ABLIM3: variants seen among roughly 807,000 people sequenced by gnomAD.
ABLIM3 encodes actin-binding LIM protein 3.
ABLIM3 carries 61 observed loss-of-function variants against 109.5 expected under a neutral mutation model. The ratio of observed to expected loss-of-function variants is 0.56; its 90% confidence interval spans 0.45 to 0.69. The LOEUF (loss-of-function observed/expected upper bound fraction) is 0.69. ABLIM3 is among the 30% of genes least tolerant of loss of function. ABLIM3 has a pLI of 0.00. For missense variants in ABLIM3, 796 were observed against 889.5 expected (o/e 0.89, Z 1.34); for synonymous variants, 300 against 324.8 (o/e 0.92, Z 0.82).
At chr5:149,196,571 C>G (rs1757997100) in intron 3 of ABLIM3, among the ~76,000 whole-genome samples, 1 of 152,234 alleles carries the variant, frequency 6.6e-6, no homozygotes, top group Non-Finnish European at 1.5e-5. Context: ...CAGAGGCAAT[C>G]TAGGTGGAAA....
intron 14 of ABLIM3, among the ~76,000 whole-genome samples, chr5:149,241,965 C>T (rs1372138638): frequency 1.3e-5 from 2 of 152,192 alleles, no homozygotes; most frequent in African/African-American, 4.8e-5. Context: ...AGTCTCCTGA[C>T]ACCAAGCTCA....
intron 5 of ABLIM3, among the ~76,000 whole-genome samples, chr5:149,206,690 C>T (rs532225616): frequency 1.6e-4 from 25 of 152,230 alleles, no homozygotes; most frequent in Admixed American, 1.5e-3. Context: ...GGCAAGGTCA[C>T]GGACAGCAGC....
In ABLIM3 at chr5:149,258,717, G is replaced by A. The variant is rs917769780; in HGVS notation, c.*313G>A. 2 of 1,032,766 alleles carry A rather than the reference G, an allele frequency of 1.9e-6. No homozygotes were observed. The highest frequency in any genetic ancestry group is 5.4e-5 in the Admixed American group (1 of 18,396). 64.0% of individuals were successfully genotyped at this position (1,032,766 alleles called of 1,614,324 possible). A position where few individuals can be genotyped will look rare whatever the true frequency, so the allele number is the denominator to read the frequency against. On this transcript the variant is annotated 3_prime_UTR_variant, in exon 24 of 24. Coordinates refer to ENST00000309868, the MANE Select transcript of ABLIM3 (RefSeq NM_014945.5). ...ACTCTCTTTCCTAAAGAAGGTGCCT[G>A]AAGAAGTCTCTCTTCTCTCTGCTTC...
At chr5:149,178,681 A>G (rs1756193715) in intron 2 of ABLIM3, among the ~76,000 whole-genome samples, 1 of 152,240 alleles carries the variant, frequency 6.6e-6, no homozygotes, top group South Asian at 2.1e-4. Context: ...ACATTTTTAT[A>G]GGAGAGGAAT....
At chr5:149,224,049 T>C (rs1158505746) in intron 8 of ABLIM3, among the ~76,000 whole-genome samples, 2 of 152,210 alleles carry the variant, frequency 1.3e-5, no homozygotes, top group African/African-American at 2.4e-5. Context: ...ATCAGCATTT[T>C]TAAGAATACT....
At chr5:149,240,004 C>T (rs1013603516) in intron 13 of ABLIM3, 116 bp downstream of exon 13, 25 of 1,399,184 alleles carry the variant, frequency 1.8e-5, no homozygotes, top group Non-Finnish European at 2.2e-5. Context: ...ACAGTGTGGC[C>T]CTCTGGAGGC....
At chr5:149,164,775 T>G (rs538578232) in intron 2 of ABLIM3, among the ~76,000 whole-genome samples, 1 of 152,152 alleles carries the variant, frequency 6.6e-6, no homozygotes, top group Non-Finnish European at 1.5e-5. Flanking sequence ...ATGTTGCATA[T>G]GAGATAGGCC....
Position 149,151,696 on chromosome 5 carries a change from A to G in ABLIM3, c.13+9588A>G, listed in dbSNP as rs149314337. ...AAGACCCCAGTAATTTAGTATGTCCACAGCCAGTCTGTTTGCCACACTTTC... is the reference window on the plus strand; with the variant it reads ...AAGACCCCAGTAATTTAGTATGTCCGCAGCCAGTCTGTTTGCCACACTTTC... On this transcript the variant is annotated intron_variant, in intron 2 of 23. Transcript: ENST00000309868. Among the ~76,000 whole-genome samples, 4 of 152,246 alleles carry G rather than the reference A, an allele frequency of 2.6e-5. No individual in the cohort carries two copies. The East Asian group carries it at 7.7e-4, about 29-fold the overall frequency.
intron 21 of ABLIM3, among the ~76,000 whole-genome samples, chr5:149,251,863 AGAACCTT>A (rs1753959340): frequency 6.6e-6 from 1 of 152,264 alleles, no homozygotes; most frequent in African/African-American, 2.4e-5. Flanking sequence ...GGCCCACATC[AGAACCTT>A]GAAGGATTCC....
intron 19 of ABLIM3, 30 bp from the exon 20 acceptor site, chr5:149,250,417 C>G (rs1427310731): frequency 1.2e-6 from 2 of 1,612,876 alleles, no homozygotes; most frequent in Non-Finnish European, 1.7e-6. Flanking sequence ...CTTGGGACTC[C>G]TGATAATTGC....
chr5:149,205,199 G>A (rs1758855966), intron 5 of ABLIM3, among the ~76,000 whole-genome samples: 1 of 152,184 alleles, frequency 6.6e-6, no homozygotes, highest in Non-Finnish European at 1.5e-5. Flanking sequence ...AGCAGTCACG[G>A]GAGTCAAGTC....
At position 149,161,437 on chromosome 5, in the gene ABLIM3, T is replaced by G. The variant is rs939688434; in HGVS notation, c.13+19329T>G. ...GTCTCTCTTGAAATCTGTATTCTTT[T>G]CAGCAGATAATGTCAATAAGCCCTT... On this transcript the variant is annotated intron_variant, in intron 2 of 23. Coordinates refer to ENST00000309868, the MANE Select transcript of ABLIM3 (RefSeq NM_014945.5). Among the ~76,000 whole-genome samples, 10 of 152,338 alleles carry G rather than the reference T, an allele frequency of 6.6e-5. No homozygotes were observed. In the South Asian group the frequency reaches 1.5e-3, roughly 22 times the overall value.
chr5:149,191,481 A>C (rs1757470241), intron 3 of ABLIM3, among the ~76,000 whole-genome samples: 1 of 152,212 alleles, frequency 6.6e-6, no homozygotes, highest in African/African-American at 2.4e-5. Context: ...ATTGGAATCA[A>C]GTTCTACAAA....
At chr5:149,195,796 A>G (rs1375331663) in intron 3 of ABLIM3, among the ~76,000 whole-genome samples, 3 of 152,226 alleles carry the variant, frequency 2.0e-5, no homozygotes, top group South Asian at 4.1e-4. Flanking sequence ...GAATTTTCAT[A>G]ATGCCTGATG....
intron 2 of ABLIM3, among the ~76,000 whole-genome samples, chr5:149,167,952 A>T (rs1291460599): frequency 6.6e-6 from 1 of 152,286 alleles, no homozygotes; most frequent in East Asian, 1.9e-4. Context: ...TGAATTTTAG[A>T]CTAGATAATT....
At chr5:149,142,300 A>C (rs1252744059) in intron 2 of ABLIM3, among the ~76,000 whole-genome samples, 192 bp downstream of exon 2, 2 of 152,118 alleles carry the variant, frequency 1.3e-5, no homozygotes, top group Non-Finnish European at 2.9e-5. Context: ...TTTCGTGATA[A>C]TTTTGCCAAT....
rs142150004 is a variant in ABLIM3, at chr5:149,147,079, C to T, written c.13+4971C>T. On this transcript the variant is annotated intron_variant, in intron 2 of 23. Transcript: ENST00000309868. The stretch of plus-strand genomic sequence containing the variant: ...GGTTTCTCTCTCTCTTTCTCTCTCT[C>T]TCTCTCTCTCGCTCGCTTGCTCGCT... Among the ~76,000 whole-genome samples, 652 of 151,870 alleles carry T rather than the reference C, an allele frequency of 4.3e-3. 6 individuals carry two copies. Among genetic ancestry groups the T allele is most frequent in the Non-Finnish European group, 5.3e-3 (359 of 67,920 alleles).
intron 17 of ABLIM3, among the ~76,000 whole-genome samples, chr5:149,247,290 C>T (rs756308071): frequency 3.9e-5 from 6 of 151,958 alleles, no homozygotes; most frequent in Admixed American, 1.3e-4. Flanking sequence ...CCCAGGGGCA[C>T]GGGGAGAGGG....
At chr5:149,200,994 T>TGATTCATTTGCTGTTCCTGA (rs1758433759) in intron 5 of ABLIM3, among the ~76,000 whole-genome samples, 1 of 152,102 alleles carries the variant, frequency 6.6e-6, no homozygotes, top group Non-Finnish European at 1.5e-5. Context: ...GCTTCCTGGG[T>TGATTCATTTGCTGTTCCTGA]GATTCATTTG....
Sources: allele counts gnomAD v4.1 joint callset (sites outside exome capture counted in the v4.1 genomes callset), GRCh38; gene constraint gnomAD v4.1.1; transcripts MANE v1.5; gene names NCBI Gene and HGNC (gene_info 2026-07-23, HGNC 2026-07-21).